The following MAPK9 variants were observed in gnomAD, a reference collection of about 807,000 sequenced individuals.
The protein encoded by MAPK9 is mitogen-activated protein kinase 9, also known as Jun kinase.
Under a neutral mutation model 57.1 loss-of-function variants are expected in MAPK9, and 30 were observed. That is an observed-to-expected ratio of 0.53 (90% confidence interval 0.39 to 0.71). The LOEUF (loss-of-function observed/expected upper bound fraction) is 0.71. Among genes scored for constraint, MAPK9 ranks in the 30% least tolerant of loss-of-function variants. The pLI is 0.00. For synonymous variants in MAPK9, 155 were observed against 177.0 expected (o/e 0.88, Z 0.99); for missense variants, 362 against 521.0 (o/e 0.69, Z 2.97).
chr5:180,271,352 ATT>A (rs911217245), intron 2 of MAPK9, among the ~76,000 whole-genome samples: 2 of 152,156 alleles, frequency 1.3e-5, no homozygotes, highest in African/African-American at 4.8e-5. Context: ...CTATCTCTTC[ATT>A]TATCAGCTTT....
intron 11 of MAPK9, 43 bp downstream of exon 11, chr5:180,238,289 G>A: frequency 2.0e-6 from 3 of 1,516,328 alleles, no homozygotes; most frequent in Non-Finnish European, 2.7e-6. Context: ...AAGTTGAATA[G>A]GGAAAGAAAA....
intron 5 of MAPK9, among the ~76,000 whole-genome samples, chr5:180,252,760 C>A (rs6863088): frequency 0.31 from 46,570 of 151,864 alleles, 7,454 homozygotes; most frequent in East Asian, 0.56. Flanking sequence ...GGAATGAAGG[C>A]CTGGGACACA....
At chr5:180,255,608 C>G (rs958817404) in intron 5 of MAPK9, among the ~76,000 whole-genome samples, 5 of 151,954 alleles carry the variant, frequency 3.3e-5, no homozygotes, top group African/African-American at 1.2e-4. Context: ...TGTTTGTTAA[C>G]TCCAGGGAAC....
At chr5:180,287,932 A>G (rs1023676915) in intron 1 of MAPK9, among the ~76,000 whole-genome samples, 4 of 152,214 alleles carry the variant, frequency 2.6e-5, no homozygotes, top group African/African-American at 9.7e-5. Context: ...AGACAAAGCT[A>G]AATGGGAGAA....
intron 4 of MAPK9, among the ~76,000 whole-genome samples, chr5:180,263,878 T>G (rs1053329184): frequency 6.6e-6 from 1 of 152,028 alleles, no homozygotes; most frequent in African/African-American, 2.4e-5. Context: ...GCTGATTTTT[T>G]GTATTTTTAG....
At chr5:180,291,175 G>A (rs1763194980) in intron 1 of MAPK9, among the ~76,000 whole-genome samples, 1 of 152,184 alleles carries the variant, frequency 6.6e-6, no homozygotes, top group Non-Finnish European at 1.5e-5. Flanking sequence ...CAAGGCGGGC[G>A]AGATGAGTGG....
intron 2 of MAPK9, among the ~76,000 whole-genome samples, chr5:180,275,762 CTCT>C (rs1485841300): frequency 6.6e-6 from 1 of 152,178 alleles, no homozygotes; most frequent in African/African-American, 2.4e-5. Context: ...CTCATTTCAT[CTCT>C]TCTTCATTGT....
At chr5:180,259,742 T>G (rs1759722289) in intron 5 of MAPK9, among the ~76,000 whole-genome samples, 1 of 151,882 alleles carries the variant, frequency 6.6e-6, no homozygotes, top group Admixed American at 6.5e-5. Flanking sequence ...TCTTCAGACT[T>G]GCAATGTGGT....
chr5:180,248,416 C>T (rs1041627784), intron 6 of MAPK9, among the ~76,000 whole-genome samples: 1 of 152,148 alleles, frequency 6.6e-6, no homozygotes, highest in Admixed American at 6.5e-5. Context: ...AATAAGTAAG[C>T]GTGATTTCGT....
At chr5:180,262,014 A>C (rs1333550833) in intron 4 of MAPK9, among the ~76,000 whole-genome samples, 192 bp from the exon 5 acceptor site, 1 of 152,034 alleles carries the variant, frequency 6.6e-6, no homozygotes, top group African/African-American at 2.4e-5. Context: ...CAAGTTAAAA[A>C]TTAAAAAAAA....
intron 5 of MAPK9, among the ~76,000 whole-genome samples, chr5:180,260,497 T>C (rs1385595993): frequency 6.6e-6 from 1 of 152,224 alleles, no homozygotes; most frequent in Admixed American, 6.5e-5. Flanking sequence ...TATAAATATA[T>C]TGTGTTTGTC....
chr5:180,291,240 GTCCCC>G (rs1367602872), intron 1 of MAPK9, among the ~76,000 whole-genome samples: 2 of 147,702 alleles, frequency 1.4e-5, no homozygotes, highest in Admixed American at 1.4e-4. Context: ...TTCGGGCTGG[GTCCCC>G]TCTGGCACTG....
At chr5:180,288,689 A>T (rs1762982854) in intron 1 of MAPK9, among the ~76,000 whole-genome samples, 1 of 152,152 alleles carries the variant, frequency 6.6e-6, no homozygotes, top group Non-Finnish European at 1.5e-5. Flanking sequence ...ACCCTACCAC[A>T]TTTATTCTCC....
At chr5:180,278,986 C>T (rs1762074275) in intron 2 of MAPK9, among the ~76,000 whole-genome samples, 2 of 143,488 alleles carry the variant, frequency 1.4e-5, no homozygotes, top group East Asian at 4.1e-4. Context: ...GAGACGGAGT[C>T]TTGCTCCATC....
chr5:180,237,309 T>C (rs1757248568), intron 11 of MAPK9: 1 of 152,218 alleles, frequency 6.6e-6, no homozygotes, highest in African/African-American at 2.4e-5. Flanking sequence ...CTGTGCTCTC[T>C]GCACATCCGC....
intron 7 of MAPK9, among the ~76,000 whole-genome samples, chr5:180,245,466 G>A (rs1435868925): frequency 6.6e-6 from 1 of 152,162 alleles, no homozygotes; most frequent in Non-Finnish European, 1.5e-5. Flanking sequence ...ATATCTGCTG[G>A]GTTAATGATA....
chr5:180,244,444 G>A (rs543370360), intron 7 of MAPK9, among the ~76,000 whole-genome samples: 1 of 152,092 alleles, frequency 6.6e-6, no homozygotes, highest in Non-Finnish European at 1.5e-5. Flanking sequence ...CCTACCTATC[G>A]CTTTATTTCT....
intron 1 of MAPK9, among the ~76,000 whole-genome samples, chr5:180,281,267 A>G (rs565579531): frequency 6.6e-6 from 1 of 152,352 alleles, no homozygotes; most frequent in East Asian, 1.9e-4. Context: ...AGATCTGTAT[A>G]TGAAGAACTC....
In MAPK9 at chr5:180,256,894, G is replaced by A. The variant is rs543216702; in HGVS notation, c.450+4790C>T. Among the ~76,000 whole-genome samples, 4 of 152,108 alleles carry A rather than the reference G, an allele frequency of 2.6e-5. No homozygotes were observed. In the East Asian group the frequency reaches 5.8e-4, roughly 22 times the overall value. ...CCTAATGTAGTAAGACTAATAATCT[G>A]GGAAATTATTCTAAAGCATAAATAA... On this transcript the variant is annotated intron_variant, in intron 5 of 11. Coordinates refer to ENST00000452135, the MANE Select transcript of MAPK9 (RefSeq NM_002752.5).
Sources: allele counts gnomAD v4.1 joint callset (sites outside exome capture counted in the v4.1 genomes callset), GRCh38; gene constraint gnomAD v4.1.1; transcripts MANE v1.5; gene names NCBI Gene and HGNC (gene_info 2026-07-23, HGNC 2026-07-21).